The following PROZ variants were observed in gnomAD, a reference collection of about 807,000 sequenced individuals.
The protein encoded by PROZ is vitamin K-dependent protein Z.
A neutral mutation model predicts 34.9 loss-of-function variants in PROZ; 46 were observed. The ratio of observed to expected loss-of-function variants is 1.32; its 90% CI spans 1.04 to 1.69. PROZ has a LOEUF of 1.69. Among genes scored for constraint, PROZ ranks in the 40% most tolerant of loss-of-function variants. The pLI, the probability that PROZ is intolerant of heterozygous loss-of-function variation, is 0.00. For missense variants in PROZ, 530 were observed against 520.4 expected (o/e 1.02, Z -0.18); for synonymous variants, 195 against 208.5 (o/e 0.94, Z 0.56).
intron 6 of PROZ, chr13:113,166,003 C>G (rs2036920402): frequency 6.6e-6 from 1 of 152,246 alleles, no homozygotes; most frequent in Non-Finnish European, 1.5e-5. Flanking sequence ...TATATCTTCA[C>G]AAAATAGATA....
rs530871545 is a variant in PROZ at position 113,160,105 on chromosome 13, G to T, written c.162G>T (p.Leu54Phe). 173 of 1,614,090 alleles carry T rather than the reference G, an allele frequency of 1.1e-4. 5 individuals carry two copies. The South Asian group carries it at 1.9e-3, about 18-fold the overall frequency. Reference sequence around the variant, plus strand: ...TGGAAGAACTCTTCGAGGGAAACTTGGAAAAAGAATGTTATGAAGAAATCT... The same window carrying T: ...TGGAAGAACTCTTCGAGGGAAACTTTGAAAAAGAATGTTATGAAGAAATCT... Reference protein sequence around the residue: ...YLLEELFEGNLEKECYEEICV... With the variant: ...YLLEELFEGNFEKECYEEICV... The change falls in exon 2 of 8, where the codon TTG (leucine) becomes TTT (phenylalanine). Residue 54 changes from leucine to phenylalanine, a missense_variant. Coordinates refer to ENST00000375547, the MANE Select transcript of PROZ (RefSeq NM_003891.3).
Position 113,160,024 on chromosome 13 carries a change from G to C in PROZ, c.81G>C (p.Pro27=). The change falls in exon 2 of 8, where the codon CCG becomes CCC. Residue 27 remains proline (P), a synonymous_variant. Transcript: ENST00000375547. ...LHRVEPSVFL[P]ASKANDVLVR... ...TTGTCTCGTCTGTAGTATTTCTCCC[G>C]GCCTCCAAAGCAAACGACGTTCTGG... is the stretch of plus-strand genomic sequence containing the variant. 1.2e-6 allele frequency: 2 copies of C among 1,614,080 alleles called. No individual in the cohort carries two copies. The highest frequency in any genetic ancestry group is 2.2e-5 in the East Asian group (1 of 44,888).
At chr13:113,160,887 A>G in intron 2 of PROZ, 61 bp from the exon 3 acceptor site, 3 of 1,416,090 alleles carry the variant, frequency 2.1e-6, no homozygotes, top group Non-Finnish European at 3.0e-6. Context: ...GTTCATCTAC[A>G]GGAAAGAATA....
chr13:113,160,262 CTTAA>C (rs914724396), intron 2 of PROZ, 85 bp downstream of exon 2: 4 of 1,494,642 alleles, frequency 2.7e-6, no homozygotes, highest in Non-Finnish European at 3.7e-6. Flanking sequence ...AGAGATTAAG[CTTAA>C]TTAATTAGCC....
At position 113,171,932 on chromosome 13, in the gene PROZ, A is replaced by G. The variant is rs1452320197; in HGVS notation, c.1030A>G (p.Ser344Gly). 6.8e-6 allele frequency: 11 copies of G among 1,613,630 alleles called. No homozygotes were observed. The highest frequency in any genetic ancestry group is 9.3e-6 in the Non-Finnish European group (11 of 1,180,046). The change falls in exon 8 of 8, where the codon AGC becomes GGC. Residue 344 changes from serine (S) to glycine (G), a missense_variant. Coordinates refer to ENST00000375547, the MANE Select transcript of PROZ (RefSeq NM_003891.3). The surrounding 1 kb of genome is among the most constrained non-coding windows in gnomAD (Gnocchi z 5.1). ...CACCACCAGGACCTACTGTGAGAGA[A>G]GCAGCGTGGCGGCCATGCACTGGAT... ...TVTTRTYCER[S>G]SVAAMHWMDG...
rs3024711 is a variant in PROZ at position 113,158,954 on chromosome 13, A to G, written c.70+224A>G. ...GTCCTCCCAAGAGATGCCCAAATGG[A>G]AAGAAGCCTGTGTGCAGGGGATTCA... On this transcript the variant is annotated intron_variant, in intron 1 of 7. Coordinates refer to ENST00000375547, the MANE Select transcript of PROZ (RefSeq NM_003891.3). The surrounding 1 kb of genome is among the most constrained non-coding windows in gnomAD (Gnocchi z 4.3). 0.16 allele frequency among the ~76,000 whole-genome samples: 24,614 copies of G among 151,156 alleles called. 2,388 individuals are homozygous for G. The highest frequency in any genetic ancestry group is 0.41 in the South Asian group (1,927 of 4,756).
chr13:113,164,125 A>G (rs1423717260), intron 4 of PROZ, among the ~76,000 whole-genome samples: 4 of 151,920 alleles, frequency 2.6e-5, no homozygotes, highest in Non-Finnish European at 4.4e-5. Context: ...GACTACAGGC[A>G]CGCGCCACCA....
intron 6 of PROZ, among the ~76,000 whole-genome samples, chr13:113,170,178 G>A (rs1055574662): frequency 5.3e-5 from 8 of 152,152 alleles, no homozygotes; most frequent in Non-Finnish European, 1.0e-4. Context: ...GGGCCGAAAG[G>A]GGAAGTGCCG....
intron 6 of PROZ, among the ~76,000 whole-genome samples, chr13:113,169,057 CCTT>C (rs2037032800): frequency 6.6e-6 from 1 of 152,122 alleles, no homozygotes; most frequent in African/African-American, 2.4e-5. Flanking sequence ...TTTCTCTCCT[CCTT>C]CTCCCTGCTC....
In PROZ at chr13:113,164,637, G is replaced by C. The variant is rs764810589; in HGVS notation, c.498G>C (p.Val166=). The C allele has an allele frequency of 1.2e-6, 2 of 1,613,666 alleles. No homozygotes were observed. The highest frequency in any genetic ancestry group is 1.3e-5 in the African/African-American group (1 of 75,066). ...YRLGEDHKQC[V]PHDQCACGVL... is the part of the protein sequence containing the mutation. ...TTGGTGAGGACCACAAACAGTGTGT[G>C]CCCCACGGTGAGTGCTCAGACCACA... The change falls in exon 5 of 8, where the codon GTG becomes GTC. Residue 166 remains valine, a synonymous_variant. Coordinates refer to ENST00000375547, the MANE Select transcript of PROZ (RefSeq NM_003891.3).
chr13:113,164,398 T>C, intron 4 of PROZ, 115 bp from the exon 5 acceptor site: 2 of 1,234,012 alleles, frequency 1.6e-6, no homozygotes, highest in South Asian at 1.3e-5. Flanking sequence ...ACCAGAACTC[T>C]TGTGTGCAAG....
chr13:113,164,338 T>C (rs1445858569), intron 4 of PROZ, among the ~76,000 whole-genome samples, 175 bp from the exon 5 acceptor site: 3 of 152,102 alleles, frequency 2.0e-5, no homozygotes, highest in African/African-American at 7.2e-5. Context: ...TGGGAAACAC[T>C]GACACAGAGG....
Position 113,158,836 on chromosome 13 carries a change from G to C in PROZ, c.70+106G>C. On this transcript the variant is annotated intron_variant, in intron 1 of 7. Coordinates refer to ENST00000375547, the MANE Select transcript of PROZ (RefSeq NM_003891.3). This position sits in a 1 kb window ranked among gnomAD's most constrained non-coding sequence, Gnocchi z 4.3. Reference sequence around the variant, plus strand: ...TTTTTCCAGGAGCCAGAGGAGCCCTGAGTGCCCAGACTAGTCTTAATTCCC... The same window carrying C: ...TTTTTCCAGGAGCCAGAGGAGCCCTCAGTGCCCAGACTAGTCTTAATTCCC... The C allele has an allele frequency of 8.8e-7, 1 of 1,130,294 alleles. No individual in the cohort carries two copies. The highest frequency in any genetic ancestry group is 1.3e-6 in the Non-Finnish European group (1 of 772,350). The allele number at this position is 1,130,294 out of a possible 1,614,324, so 70.0% of individuals were successfully genotyped here.
rs772497744 is a variant in PROZ at position 113,165,049 on chromosome 13, G to A, written c.506-4G>A. On this transcript the variant is annotated splice_region_variant and splice_polypyrimidine_tract_variant and intron_variant, in intron 5 of 7. Coordinates refer to ENST00000375547, the MANE Select transcript of PROZ (RefSeq NM_003891.3). ...TTATTCTCATGTTGCTGCCGCAAAT[G>A]CAGACCAGTGTGCCTGCGGGGTGCT... The A allele has an allele frequency of 6.2e-7, 1 of 1,613,408 alleles. No homozygotes were observed. The highest frequency in any genetic ancestry group is 8.5e-7 in the Non-Finnish European group (1 of 1,179,984).
chr13:113,169,320 G>A (rs935223778), intron 6 of PROZ, among the ~76,000 whole-genome samples: 1 of 152,154 alleles, frequency 6.6e-6, no homozygotes, highest in Non-Finnish European at 1.5e-5. Context: ...TTAAAAATAC[G>A]TATTTTTGTC....
intron 6 of PROZ, 56 bp from the exon 7 acceptor site, chr13:113,170,357 G>A (rs2037075141): frequency 9.2e-7 from 1 of 1,089,782 alleles, no homozygotes; most frequent in South Asian, 1.2e-5. Flanking sequence ...AGACTTTACT[G>A]CCCCTAATCC....
chr13:113,159,673 G>A lies in PROZ; in HGVS notation c.71-341G>A, dbSNP rs2036726867. Among the ~76,000 whole-genome samples the A allele has an allele frequency of 6.6e-6, 1 of 152,234 alleles. No homozygotes were observed. Among genetic ancestry groups the A allele is most frequent in the Admixed American group, 6.5e-5 (1 of 15,284 alleles). The stretch of plus-strand genomic sequence containing the variant: ...GATGGCTCTTGGTCCCCAGTTCTCA[G>A]TACGGGGACCTTTGACCCCAGCTCA... On this transcript the variant is annotated intron_variant, in intron 1 of 7. Coordinates refer to ENST00000375547, the MANE Select transcript of PROZ (RefSeq NM_003891.3). The surrounding 1 kb of genome is among the most constrained non-coding windows in gnomAD (Gnocchi z 4.6).
rs533870732 is a variant in PROZ at position 113,164,080 on chromosome 13, A to C, written c.374-433A>C. Among the ~76,000 whole-genome samples, 3 of 151,816 alleles carry C rather than the reference A, an allele frequency of 2.0e-5. No homozygotes were observed. The East Asian group carries it at 5.8e-4, about 29-fold the overall frequency. ...TGCAACCTTTTGCCTCCTGGGTTCA[A>C]GTGATTCTCCTGCCTCAGCCTCCCG... is the stretch of plus-strand genomic sequence containing the variant. On this transcript the variant is annotated intron_variant, in intron 4 of 7. Transcript: ENST00000375547.
intron 5 of PROZ, 78 bp from the exon 6 acceptor site, chr13:113,164,975 G>A (rs1164378498): frequency 9.3e-6 from 13 of 1,396,340 alleles, no homozygotes; most frequent in South Asian, 2.3e-5. Flanking sequence ...ATTATGCAAC[G>A]GTTAACACCA....
Sources: gnomAD v4.1 joint callset for allele counts (sites outside exome capture counted in the v4.1 genomes callset) on GRCh38, gnomAD v4.1.1 for gene constraint, Gnocchi (gnomAD v3.1) non-coding constraint, MANE v1.5 for transcripts, NCBI Gene and HGNC (gene_info 2026-07-23, HGNC 2026-07-21) for gene names.